ANKS1B: variants seen among roughly 807,000 people sequenced by gnomAD.
ANKS1B encodes the protein ankyrin repeat and sterile alpha motif domain-containing protein 1B.
Under a neutral mutation model 148.3 loss-of-function variants are expected in ANKS1B, and 36 were observed. The ratio of observed to expected loss-of-function variants is 0.24; its 90% confidence interval spans 0.19 to 0.32. The LOEUF (loss-of-function observed/expected upper bound fraction) is 0.32. Among genes scored for constraint, ANKS1B ranks in the 10% least tolerant of loss-of-function variants. The pLI is 1.00. For missense variants in ANKS1B, 1,157 were observed against 1,542.6 expected, an observed-to-expected ratio of 0.75 and a Z score of 4.19; for synonymous variants, 542 against 560.8, an observed-to-expected ratio of 0.97 and a Z score of 0.47.
At chr12:99,394,911 T>G (rs903545703) in intron 12 of ANKS1B, among the ~76,000 whole-genome samples, 15 of 152,200 alleles carry the variant, frequency 9.9e-5, no homozygotes, top group African/African-American at 3.6e-4. Context: ...TATTTCTCAC[T>G]GTTTACCAAA....
intron 17 of ANKS1B, among the ~76,000 whole-genome samples, chr12:98,938,585 C>A (rs1462719036): frequency 6.6e-6 from 1 of 152,226 alleles, no homozygotes; most frequent in African/African-American, 2.4e-5. Flanking sequence ...CCTGAAAATG[C>A]AACTGCAGTT....
intron 19 of ANKS1B, among the ~76,000 whole-genome samples, chr12:98,817,725 A>C (rs1224847868): frequency 1.3e-5 from 2 of 152,162 alleles, no homozygotes; most frequent in Non-Finnish European, 2.9e-5. Flanking sequence ...GCACCCACTG[A>C]CCCTTTTTAT....
chr12:99,571,754 T>C (rs1472091734), intron 9 of ANKS1B, among the ~76,000 whole-genome samples: 1 of 152,178 alleles, frequency 6.6e-6, no homozygotes, highest in Non-Finnish European at 1.5e-5. Flanking sequence ...GTCATTATTA[T>C]ATCCAGGTAC....
intron 9 of ANKS1B, among the ~76,000 whole-genome samples, chr12:99,563,025 G>C (rs73381514): frequency 5.9e-5 from 9 of 151,940 alleles, no homozygotes; most frequent in Non-Finnish European, 1.5e-5. Flanking sequence ...CTTTTCTTCC[G>C]AAGCTTCTTC....
rs556083631 is a variant in ANKS1B, at chr12:99,023,179, T to C, written c.2778+29978A>G. Among the ~76,000 whole-genome samples the C allele has an allele frequency of 2.6e-5, 4 of 152,286 alleles. No homozygotes were observed. The South Asian group carries it at 8.3e-4, about 32-fold the overall frequency. On this transcript the variant is annotated intron_variant, in intron 17 of 26. Coordinates refer to ENST00000683438, the MANE Select transcript of ANKS1B (RefSeq NM_001352186.2). ...ATATCACTGTTATTGGTTATTTTTT[T>C]CATTCTTGATTTACATGGCCAATGT...
intron 3 of ANKS1B, among the ~76,000 whole-genome samples, chr12:99,810,026 T>G (rs1283830531): frequency 6.6e-6 from 1 of 152,028 alleles, no homozygotes; most frequent in Non-Finnish European, 1.5e-5. Flanking sequence ...TTTTGCACAA[T>G]GCCTGGCACA....
At chr12:99,505,632 TTA>T (rs1042659168) in intron 9 of ANKS1B, among the ~76,000 whole-genome samples, 1 of 147,960 alleles carries the variant, frequency 6.8e-6, no homozygotes, top group African/African-American at 2.5e-5. Flanking sequence ...TATTTATATA[TTA>T]TATATATATG....
chr12:99,616,569 G>GGGAAAACTGGCTAGCCATAGGC (rs2097963909), intron 9 of ANKS1B, among the ~76,000 whole-genome samples: 1 of 152,120 alleles, frequency 6.6e-6, no homozygotes, highest in Admixed American at 6.6e-5. Flanking sequence ...AAATGGTGCT[G>GGGAAAACTGGCTAGCCATAGGC]GGAAAACTGG....
At chr12:99,532,321 C>A (rs1316857975) in intron 9 of ANKS1B, among the ~76,000 whole-genome samples, 1 of 152,096 alleles carries the variant, frequency 6.6e-6, no homozygotes, top group African/African-American at 2.4e-5. Context: ...TTTATGGTTT[C>A]AGGTCTTACA....
intron 10 of ANKS1B, among the ~76,000 whole-genome samples, chr12:99,456,134 G>A (rs1355645799): frequency 6.6e-6 from 1 of 152,124 alleles, no homozygotes; most frequent in Non-Finnish European, 1.5e-5. Flanking sequence ...CCAGCCTGGA[G>A]CCCAGTAGCT....
chr12:99,446,309 G>A (rs113286495), intron 10 of ANKS1B, among the ~76,000 whole-genome samples: 3,376 of 152,116 alleles, frequency 0.022, 70 homozygotes, highest in Admixed American at 0.076. Context: ...TGAGTGAAAG[G>A]AAGTTTTATT....
chr12:99,648,772 G>A, intron 9 of ANKS1B: 1 of 1,611,440 alleles, frequency 6.2e-7, no homozygotes, highest in Non-Finnish European at 8.5e-7. Context: ...GTTGGAGGAA[G>A]TGCAGAGGAG....
At chr12:99,119,853 C>A (rs954093364) in intron 15 of ANKS1B, among the ~76,000 whole-genome samples, 3 of 152,152 alleles carry the variant, frequency 2.0e-5, no homozygotes, top group Non-Finnish European at 4.4e-5. Context: ...AATTTGACCA[C>A]AGTCAAATCA....
At chr12:99,204,441 G>A (rs950757162) in intron 14 of ANKS1B, among the ~76,000 whole-genome samples, 8 of 152,198 alleles carry the variant, frequency 5.3e-5, no homozygotes, top group African/African-American at 1.9e-4. Flanking sequence ...GGGTCTTGGA[G>A]GCAAACACCA....
chr12:99,482,834 G>A (rs781738764), intron 10 of ANKS1B, among the ~76,000 whole-genome samples: 18 of 151,946 alleles, frequency 1.2e-4, no homozygotes, highest in Non-Finnish European at 2.5e-4. Context: ...GTATAGCAGT[G>A]CTATGGATTT....
chr12:99,591,317 TCA>T (rs903322974), intron 9 of ANKS1B, among the ~76,000 whole-genome samples: 5 of 151,992 alleles, frequency 3.3e-5, no homozygotes, highest in African/African-American at 1.2e-4. Context: ...TCCTAAAATC[TCA>T]GAGACAGATG....
intron 1 of ANKS1B, among the ~76,000 whole-genome samples, chr12:99,855,427 C>T (rs2088848851): frequency 6.6e-6 from 1 of 152,016 alleles, no homozygotes; most frequent in Non-Finnish European, 1.5e-5. Context: ...TACTACTAGA[C>T]CTAAGAAATG....
At chr12:99,581,613 G>A (rs955808253) in intron 9 of ANKS1B, among the ~76,000 whole-genome samples, 1 of 152,118 alleles carries the variant, frequency 6.6e-6, no homozygotes, top group African/African-American at 2.4e-5. Context: ...AAAGTCGGCC[G>A]GGCGCGGTGG....
At chr12:98,788,161 T>C (rs377216647) in intron 22 of ANKS1B, among the ~76,000 whole-genome samples, 8 of 151,734 alleles carry the variant, frequency 5.3e-5, no homozygotes, top group African/African-American at 1.9e-4. Context: ...TCCCAGCACT[T>C]TGGAAGGCCG....
Sources: allele counts gnomAD v4.1 joint callset (sites outside exome capture counted in the v4.1 genomes callset), GRCh38; gene constraint gnomAD v4.1.1; transcripts MANE v1.5; gene names NCBI Gene and HGNC (gene_info 2026-07-23, HGNC 2026-07-21).